The following CCDC137 variants were observed in gnomAD, a reference collection of about 807,000 sequenced individuals.
CCDC137 encodes coiled-coil domain containing 137.
Under a neutral mutation model 30.4 loss-of-function variants are expected in CCDC137, and 24 were observed. The ratio of observed to expected loss-of-function variants is 0.79; its 90% CI spans 0.57 to 1.11. The LOEUF (loss-of-function observed/expected upper bound fraction) is 1.11, where lower values mean the gene tolerates loss of function less well. Among genes scored for constraint, CCDC137 ranks in the 50% least tolerant of loss-of-function variants. The pLI is 0.00. For synonymous variants in CCDC137, 182 were observed against 155.7 expected (o/e 1.17, Z -1.26); for missense variants, 417 against 380.4 (o/e 1.10, Z -0.80).
At chr17:81,669,636 T>C (rs1376668416) in intron 2 of CCDC137, among the ~76,000 whole-genome samples, 2 of 151,690 alleles carry the variant, frequency 1.3e-5, no homozygotes, top group Non-Finnish European at 2.9e-5. Flanking sequence ...CTCGGCTCAC[T>C]GCAAGCTCCG....
Position 81,666,766 on chromosome 17 carries a change from G to C in CCDC137, c.-1G>C. On this transcript the variant is annotated 5_prime_UTR_variant, in exon 1 of 6. Transcript: ENST00000329214. ...TCGCTAGGGAGCCTCCCGGCGTGGA[G>C]ATGGCGGGAGCTGGTCGCGGAGCAG... is the stretch of plus-strand genomic sequence containing the variant. 1 of 1,468,192 alleles carries C rather than the reference G, an allele frequency of 6.8e-7. No individual in the cohort carries two copies. The highest frequency in any genetic ancestry group is 9.0e-7 in the Non-Finnish European group (1 of 1,114,852). The allele number at this position is 1,468,192 out of a possible 1,614,324, so 90.9% of individuals were successfully genotyped here. A position where few individuals can be genotyped will look rare whatever the true frequency, so the allele number is the denominator to read the frequency against.
At position 81,666,782 on chromosome 17, in the gene CCDC137, C is replaced by T. The variant is rs541857803; in HGVS notation, c.16C>T (p.Arg6Cys). MAGAG[R>C]GAAVSRVQAG... ...CGGCGTGGAGATGGCGGGAGCTGGT[C>T]GCGGAGCAGCGGTGTCCAGGGTGCA... Residue 6 changes from arginine (R) to cysteine (C), a missense_variant, in exon 1 of 6, where the codon CGC becomes TGC. Coordinates refer to ENST00000329214, the MANE Select transcript of CCDC137 (RefSeq NM_199287.3). The T allele has an allele frequency of 3.6e-5, 53 of 1,467,524 alleles. 1 individual carries two copies. In the Admixed American group the frequency reaches 1.2e-3, roughly 33 times the overall value. 90.9% of individuals were successfully genotyped at this position (1,467,524 alleles called of 1,614,324 possible).
At chr17:81,667,905 T>A in intron 2 of CCDC137, 43 bp downstream of exon 2, 1 of 1,596,564 alleles carries the variant, frequency 6.3e-7, no homozygotes, top group Non-Finnish European at 8.5e-7. Context: ...GCTTTGTGTG[T>A]CTCAACCCGC....
intron 2 of CCDC137, 29 bp downstream of exon 2, chr17:81,667,891 T>G (rs1373979239): frequency 6.2e-7 from 1 of 1,604,340 alleles, no homozygotes. Context: ...TGGGCGGCAG[T>G]GAAGCTTTGT....
intron 2 of CCDC137, among the ~76,000 whole-genome samples, chr17:81,669,788 C>T (rs1423141583): frequency 6.6e-6 from 1 of 151,272 alleles, no homozygotes; most frequent in Non-Finnish European, 1.5e-5. Flanking sequence ...GTCTGAATCT[C>T]CTGACCTTGT....
Position 81,672,117 on chromosome 17 carries a change from C to CT in CCDC137, c.623dup (p.Thr209AspfsTer105). On this transcript the variant is annotated frameshift_variant, in exon 5 of 6. Coordinates refer to ENST00000329214, the MANE Select transcript of CCDC137 (RefSeq NM_199287.3). LOFTEE classifies it low-confidence loss of function (END_TRUNC). ...TGAGGTTGTCCTGCAGCCCCCAGAG[C>CT]TGACTGCCAGGCCCCAGAGGAGCGT... The CT allele has an allele frequency of 6.2e-7, 1 of 1,614,132 alleles. No homozygotes were observed. Among genetic ancestry groups the CT allele is most frequent in the Non-Finnish European group, 8.5e-7 (1 of 1,180,006 alleles).
chr17:81,670,946 G>A (rs1003376157), intron 3 of CCDC137, among the ~76,000 whole-genome samples: 1 of 151,922 alleles, frequency 6.6e-6, no homozygotes, highest in African/African-American at 2.4e-5. Context: ...AGCCAACACG[G>A]TGAAACCTTG....
At position 81,670,539 on chromosome 17, in the gene CCDC137, C is replaced by T. The variant is rs542449820; in HGVS notation, c.497+86C>T. ...CCCATGACGGCCCTCTGCAGGTACC[C>T]TGTTTCATAGCCATGGGGCAGCCTG... On this transcript the variant is annotated intron_variant, in intron 3 of 5. Transcript: ENST00000329214. 1.9e-4 allele frequency: 227 copies of T among 1,181,252 alleles called. 3 individuals are homozygous for T. The South Asian group carries it at 3.0e-3, about 16-fold the overall frequency. The allele number at this position is 1,181,252 out of a possible 1,614,324, so 73.2% of individuals were successfully genotyped here. A position where few individuals can be genotyped will look rare whatever the true frequency, so the allele number is the denominator to read the frequency against.
intron 3 of CCDC137, 107 bp downstream of exon 3, chr17:81,670,560 G>A: frequency 1.0e-6 from 1 of 1,001,814 alleles, no homozygotes; most frequent in Non-Finnish European, 1.5e-6. Flanking sequence ...CCATGGGGCA[G>A]CCTGGATTCA....
In CCDC137 at chr17:81,671,701, AAG is replaced by A. The variant is rs370056980; in HGVS notation, c.498-39_498-38del. On this transcript the variant is annotated intron_variant, in intron 3 of 5. Transcript: ENST00000329214. ...GGCCTCTGCCTCCTCCCTGGGTGGA[AAG>A]AGAATTTAGGAATCTGAGTGACATG... The A allele has an allele frequency of 7.3e-5, 117 of 1,602,838 alleles. No individual in the cohort carries two copies. The African/African-American group carries it at 1.2e-3, about 16-fold the overall frequency.
At position 81,673,087 on chromosome 17, in the gene CCDC137, G is replaced by A. The variant is rs1328154985; in HGVS notation, c.*383G>A. On this transcript the variant is annotated 3_prime_UTR_variant, in exon 6 of 6. Transcript: ENST00000329214. ...CCCCCGGGAGTCAGCAGAGCCGAGC[G>A]TACAGTGCACATCAGGCAGAGCAGG... is the stretch of plus-strand genomic sequence containing the variant. 2.8e-5 allele frequency: 8 copies of A among 283,442 alleles called. No individual in the cohort carries two copies. Among genetic ancestry groups the A allele is most frequent in the Middle Eastern group, 1.2e-3 (1 of 860 alleles). The allele number at this position is 283,442 out of a possible 1,614,324, so 17.6% of individuals were successfully genotyped here. A position where few individuals can be genotyped will look rare whatever the true frequency, so the allele number is the denominator to read the frequency against.
At position 81,667,170 on chromosome 17, in the gene CCDC137, C is replaced by T. The variant is rs1307601264; in HGVS notation, c.134+270C>T. The stretch of plus-strand genomic sequence containing the variant: ...GGTCAGGGCGGAAAGGCCTCCTGGG[C>T]TTTCGGAGTGCCTTTCGGCCTCGCG... On this transcript the variant is annotated intron_variant, in intron 1 of 5. Coordinates refer to ENST00000329214, the MANE Select transcript of CCDC137 (RefSeq NM_199287.3). Among the ~76,000 whole-genome samples the T allele has an allele frequency of 2.6e-5, 4 of 152,268 alleles. No homozygotes were observed. The East Asian group carries it at 7.7e-4, about 29-fold the overall frequency.
At chr17:81,671,592 G>C (rs1343209393) in intron 3 of CCDC137, 152 bp from the exon 4 acceptor site, 2 of 665,046 alleles carry the variant, frequency 3.0e-6, no homozygotes, top group Non-Finnish European at 5.3e-6. Context: ...TGGGTTTTGG[G>C]GTGGTAAGGG....
rs899048517 is a variant in CCDC137, at chr17:81,672,270, C to G, written c.660+115C>G. ...CTGTAATCCCAGCACATTGGGAGGC[C>G]AAGGCAGGCGGATTGCTTGAGCCCA... On this transcript the variant is annotated intron_variant, in intron 5 of 5. Transcript: ENST00000329214. 8 of 1,131,994 alleles carry G rather than the reference C, an allele frequency of 7.1e-6. No individual in the cohort carries two copies. The South Asian group carries it at 9.2e-5, about 13-fold the overall frequency. 70.1% of individuals were successfully genotyped at this position (1,131,994 alleles called of 1,614,324 possible). A position where few individuals can be genotyped will look rare whatever the true frequency, so the allele number is the denominator to read the frequency against.
chr17:81,667,785 C>T lies in CCDC137; in HGVS notation c.191C>T (p.Pro64Leu). 3.7e-6 allele frequency: 6 copies of T among 1,613,338 alleles called. No individual in the cohort carries two copies. Among genetic ancestry groups the T allele is most frequent in the Non-Finnish European group, 4.2e-6 (5 of 1,180,006 alleles). ...KPKNQDEQEIPFRLREIMRSR... is the reference protein window; with the variant it reads ...KPKNQDEQEILFRLREIMRSR... The stretch of plus-strand genomic sequence containing the variant: ...AAGAACCAGGACGAACAGGAGATTC[C>T]TTTCCGGCTCCGGGAGATTATGAGG... The change falls in exon 2 of 6, where the codon CCT becomes CTT. Residue 64 changes from proline to leucine, a missense_variant. By Grantham distance (98) the Pro-to-Leu change is moderately conservative (BLOSUM62 -3). Transcript: ENST00000329214.
chr17:81,667,554 C>T (rs1233960696), intron 1 of CCDC137, among the ~76,000 whole-genome samples, 175 bp from the exon 2 acceptor site: 2 of 152,234 alleles, frequency 1.3e-5, no homozygotes, highest in East Asian at 1.9e-4. Flanking sequence ...GTCTCGATCT[C>T]CTGACCTCGT....
rs1216947384 is a variant in CCDC137, at chr17:81,668,013, G to T, written c.268+151G>T. 1.0e-5 allele frequency: 10 copies of T among 977,632 alleles called. No individual in the cohort carries two copies. The East Asian group carries it at 2.4e-4, about 23-fold the overall frequency. The allele number at this position is 977,632 out of a possible 1,614,324, so 60.6% of individuals were successfully genotyped here. A position where few individuals can be genotyped will look rare whatever the true frequency, so the allele number is the denominator to read the frequency against. On this transcript the variant is annotated intron_variant, in intron 2 of 5. Transcript: ENST00000329214. ...GAGCGTGGCCAAAGCTAAAGCAGTG[G>T]CTGGCAGCTGGTGGCGCTGTGGTTC...
At chr17:81,669,413 G>T (rs561342607) in intron 2 of CCDC137, among the ~76,000 whole-genome samples, 10 of 152,336 alleles carry the variant, frequency 6.6e-5, no homozygotes, top group African/African-American at 1.9e-4. Flanking sequence ...CCAAAGTGCT[G>T]GGATTACAGG....
chr17:81,672,392 AGTGCAGTGTTCTC>A, intron 5 of CCDC137, 90 bp from the exon 6 acceptor site: 1 of 1,135,962 alleles, frequency 8.8e-7, no homozygotes, highest in Non-Finnish European at 1.2e-6. Context: ...GTGGCCTGAG[AGTGCAGTGTTCTC>A]GCTGGCGGGA....
Sources: allele counts gnomAD v4.1 joint callset (sites outside exome capture counted in the v4.1 genomes callset), GRCh38; gene constraint gnomAD v4.1.1; transcripts MANE v1.5; gene names NCBI Gene and HGNC (gene_info 2026-07-23, HGNC 2026-07-21).